Variants in GULP1 observed in about 807,000 individuals in gnomAD.
GULP1 encodes PTB domain-containing engulfment adapter protein 1.
Under a neutral mutation model 40.9 loss-of-function variants are expected in GULP1, and 19 were observed. That is an observed-to-expected ratio of 0.46 (90% CI 0.32 to 0.68). The LOEUF (loss-of-function observed/expected upper bound fraction) is 0.68, where lower values mean the gene tolerates loss of function less well. GULP1 is among the 30% of genes least tolerant of loss of function. The pLI is 0.03. For missense variants in GULP1, 312 were observed against 362.2 expected (o/e 0.86, Z 1.12); for synonymous variants, 119 against 117.6 (o/e 1.01, Z -0.08).
chr2:188,298,826 ATGT>A (rs2035547982), intron 1 of GULP1, among the ~76,000 whole-genome samples: 1 of 152,178 alleles, frequency 6.6e-6, no homozygotes, highest in African/African-American at 2.4e-5. Flanking sequence ...TTTAGACTTG[ATGT>A]TGTTGGAAGT....
At chr2:188,475,542 C>T (rs947180088) in intron 2 of GULP1, among the ~76,000 whole-genome samples, 2 of 151,778 alleles carry the variant, frequency 1.3e-5, no homozygotes, top group Non-Finnish European at 2.9e-5. Context: ...TCACAATCTT[C>T]TTTTGTTGAA....
chr2:188,336,130 T>G (rs1048151647), intron 1 of GULP1, among the ~76,000 whole-genome samples: 1 of 152,218 alleles, frequency 6.6e-6, no homozygotes, highest in African/African-American at 2.4e-5. Context: ...GGGCACAGAC[T>G]TGGACTTAGA....
At chr2:188,469,517 C>G (rs1449197005) in intron 2 of GULP1, among the ~76,000 whole-genome samples, 1 of 152,070 alleles carries the variant, frequency 6.6e-6, no homozygotes. Context: ...TCTGGGGAGG[C>G]TTCAGGAACC....
chr2:188,477,017 C>G (rs929657478), intron 2 of GULP1, among the ~76,000 whole-genome samples: 1 of 152,024 alleles, frequency 6.6e-6, no homozygotes, highest in Admixed American at 6.6e-5. Context: ...ATAGTGAATA[C>G]ACTACAGAAC....
intron 1 of GULP1, among the ~76,000 whole-genome samples, chr2:188,364,851 CACAA>C (rs1389908590): frequency 2.1e-5 from 3 of 142,268 alleles, no homozygotes; most frequent in Non-Finnish European, 3.0e-5. Context: ...TATATGTATC[CACAA>C]ACACACACAC....
chr2:188,594,098 C>A lies in GULP1; in HGVS notation c.*87C>A. ...TTATTACTTTAAGATAGGTATTATT[C>A]ATGTGTCAATGTTTTTGAATATTTT... On this transcript the variant is annotated 3_prime_UTR_variant, in exon 12 of 12. Transcript: ENST00000409830. 1 of 721,068 alleles carries A rather than the reference C, an allele frequency of 1.4e-6. No individual in the cohort carries two copies. Among genetic ancestry groups the A allele is most frequent in the Non-Finnish European group, 2.4e-6 (1 of 419,402 alleles). 44.7% of individuals were successfully genotyped at this position (721,068 alleles called of 1,614,324 possible).
intron 2 of GULP1, among the ~76,000 whole-genome samples, chr2:188,425,780 A>G (rs2056110618): frequency 6.6e-6 from 1 of 152,132 alleles, no homozygotes; most frequent in Admixed American, 6.5e-5. Context: ...TGTCTTCATG[A>G]TGTATCTTCT....
chr2:188,463,093 T>G (rs548925287), intron 2 of GULP1, among the ~76,000 whole-genome samples: 52 of 152,324 alleles, frequency 3.4e-4, no homozygotes, highest in South Asian at 1.2e-3. Flanking sequence ...TTTTCTGTAT[T>G]CTCACTATTC....
intron 2 of GULP1, among the ~76,000 whole-genome samples, chr2:188,402,981 A>G (rs369634223): frequency 2.5e-4 from 38 of 152,344 alleles, no homozygotes; most frequent in African/African-American, 7.7e-4. Context: ...AGATGGGATT[A>G]GAACCCAGTT....
At chr2:188,381,209 AT>A (rs2048963904) in intron 1 of GULP1, among the ~76,000 whole-genome samples, 1 of 152,268 alleles carries the variant, frequency 6.6e-6, no homozygotes, top group Admixed American at 6.5e-5. Flanking sequence ...AATAGATCCC[AT>A]TTGGAAAATA....
intron 7 of GULP1, among the ~76,000 whole-genome samples, chr2:188,558,849 C>T (rs1576084482): frequency 6.6e-6 from 1 of 152,134 alleles, no homozygotes; most frequent in South Asian, 2.1e-4. Context: ...GAAGTTTGAA[C>T]TTGAGAGAGA....
chr2:188,422,827 T>G (rs2055633704), intron 2 of GULP1, among the ~76,000 whole-genome samples: 1 of 152,140 alleles, frequency 6.6e-6, no homozygotes, highest in South Asian at 2.1e-4. Context: ...CTCTTTTTGC[T>G]TACTTTGTGA....
At chr2:188,323,432 C>A (rs2040284750) in intron 1 of GULP1, among the ~76,000 whole-genome samples, 1 of 151,964 alleles carries the variant, frequency 6.6e-6, no homozygotes, top group Non-Finnish European at 1.5e-5. Flanking sequence ...CCACTCTTTG[C>A]ATGCACAGTT....
At chr2:188,516,216 T>C (rs1461611663) in intron 4 of GULP1, among the ~76,000 whole-genome samples, 2 of 152,184 alleles carry the variant, frequency 1.3e-5, no homozygotes, top group East Asian at 3.8e-4. Flanking sequence ...GCAGGCAATT[T>C]TTTGAGCCTC....
chr2:188,350,298 A>C (rs554317387), intron 1 of GULP1, among the ~76,000 whole-genome samples: 2 of 152,232 alleles, frequency 1.3e-5, no homozygotes, highest in Non-Finnish European at 2.9e-5. Flanking sequence ...AAATATTGCC[A>C]TTTTAACAAT....
In GULP1 at chr2:188,462,739, T is replaced by C. The variant is rs146331355; in HGVS notation, c.-44-14920T>C. On this transcript the variant is annotated intron_variant, in intron 2 of 11. Coordinates refer to ENST00000409830, the MANE Select transcript of GULP1 (RefSeq NM_016315.4). ...TTGAAGATGATTTTGTCTGGTGATA[T>C]GATTTAGTTTCTTGTTTTTTATTTT... Among the ~76,000 whole-genome samples, 949 of 152,274 alleles carry C rather than the reference T, an allele frequency of 6.2e-3. 3 individuals are homozygous for C. Among genetic ancestry groups the C allele is most frequent in the Non-Finnish European group, 9.9e-3 (672 of 68,010 alleles).
chr2:188,372,945 T>C (rs776374044), intron 1 of GULP1, among the ~76,000 whole-genome samples: 5 of 152,154 alleles, frequency 3.3e-5, no homozygotes, highest in Middle Eastern at 3.4e-3. Context: ...CTTCTGCGTT[T>C]TATCCTTCTA....
Position 188,354,178 on chromosome 2 carries a change from A to G in GULP1, c.-171-29585A>G, listed in dbSNP as rs541516664. 4.6e-5 allele frequency among the ~76,000 whole-genome samples: 7 copies of G among 152,180 alleles called. No homozygotes were observed. The South Asian group carries it at 1.0e-3, about 23-fold the overall frequency. On this transcript the variant is annotated intron_variant, in intron 1 of 11. Transcript: ENST00000409830. ...TTGCTGCCACTACACGTGGCTTCAT[A>G]GAGCCTGGGATACTGCCAATTTTTA...
chr2:188,341,009 C>A (rs2042896920), intron 1 of GULP1, among the ~76,000 whole-genome samples: 1 of 151,970 alleles, frequency 6.6e-6, no homozygotes, highest in Non-Finnish European at 1.5e-5. Context: ...TTTATGGGTA[C>A]AGGATAGGGG....
Sources: allele counts gnomAD v4.1 joint callset (sites outside exome capture counted in the v4.1 genomes callset), GRCh38; gene constraint gnomAD v4.1.1; transcripts MANE v1.5; gene names NCBI Gene and HGNC (gene_info 2026-07-23, HGNC 2026-07-21).